TRIOBP: variants seen among roughly 807,000 people sequenced by gnomAD.
TRIOBP encodes the protein TRIO and F-actin-binding protein.
A neutral mutation model predicts 238.8 loss-of-function variants in TRIOBP; 169 were observed. The observed-to-expected ratio is 0.71, with a 90% CI of 0.62 to 0.80. TRIOBP has a LOEUF of 0.80. TRIOBP is among the 30% of genes least tolerant of loss of function. TRIOBP has a pLI of 0.00. For synonymous variants in TRIOBP, 1,150 were observed against 1,274.4 expected (o/e 0.90, Z 2.08); for missense variants, 2,838 against 3,122.6 (o/e 0.91, Z 2.17).
In TRIOBP at chr22:37,723,167, CCT is replaced by C. The variant is rs780640035; in HGVS notation, c.629-13_629-12del. The C allele has an allele frequency of 2.2e-5, 36 of 1,613,340 alleles. No individual in the cohort carries two copies. In the Middle Eastern group the frequency reaches 4.9e-4, roughly 22 times the overall value. Reference sequence around the variant, plus strand: ...TGGACCTCTCCCCTTACCTTGAGCCCCTCTCTTCTCTCTCCAGACACCGGCGG... The same window carrying C: ...TGGACCTCTCCCCTTACCTTGAGCCCCTCTTCTCTCTCCAGACACCGGCGG... On this transcript the variant is annotated splice_polypyrimidine_tract_variant and intron_variant, in intron 6 of 23. Transcript: ENST00000644935.
chr22:37,742,087 A>G (rs1332459944), intron 11 of TRIOBP, among the ~76,000 whole-genome samples: 3 of 151,370 alleles, frequency 2.0e-5, no homozygotes, highest in African/African-American at 7.3e-5. Context: ...CCTCCAGAGT[A>G]GCTGGAATTA....
chr22:37,703,743 T>G (rs924429689), intron 3 of TRIOBP, among the ~76,000 whole-genome samples: 15 of 150,960 alleles, frequency 9.9e-5, no homozygotes, highest in African/African-American at 1.7e-4. Flanking sequence ...CTGACCTCGT[T>G]ATTCGCCCAC....
intron 11 of TRIOBP, among the ~76,000 whole-genome samples, chr22:37,747,957 A>ACAG: frequency 6.6e-6 from 1 of 152,132 alleles, no homozygotes. Flanking sequence ...TGGAAGATGG[A>ACAG]CAGCACATCC....
In TRIOBP at chr22:37,725,719, G is replaced by A. The variant is rs775695156; in HGVS notation, c.3163G>A (p.Glu1055Lys). ...RAPESEPPHH[E>K]PPYIPPAVCI... The stretch of plus-strand genomic sequence containing the variant: ...CCCTGAGAGTGAACCGCCCCACCAC[G>A]AGCCTCCCTATATACCACCTGCTGT... Residue 1055 changes from glutamate to lysine, a missense_variant, in exon 7 of 24, where the codon GAG (glutamate) becomes AAG (lysine). Glu to Lys is a moderately conservative substitution (Grantham distance 56). Transcript: ENST00000644935. 2.2e-5 allele frequency: 35 copies of A among 1,603,572 alleles called. No individual in the cohort carries two copies. Among genetic ancestry groups the A allele is most frequent in the East Asian group, 2.2e-5 (1 of 44,560 alleles).
rs1924180476 is a variant in TRIOBP at position 37,726,579 on chromosome 22, C to T, written c.3947+76C>T. 1.2e-5 allele frequency: 16 copies of T among 1,359,426 alleles called. 1 individual carries two copies. In the South Asian group the frequency reaches 2.5e-4, roughly 21 times the overall value. 84.2% of individuals were successfully genotyped at this position (1,359,426 alleles called of 1,614,324 possible). ...GCAGGACAGGTGAAGGGTTAGGGTGCCAAAAGAAAGTGTTCAAATCCCCCT... is the reference window on the plus strand; with the variant it reads ...GCAGGACAGGTGAAGGGTTAGGGTGTCAAAAGAAAGTGTTCAAATCCCCCT... On this transcript the variant is annotated intron_variant, in intron 7 of 23. Transcript: ENST00000644935.
intron 6 of TRIOBP, among the ~76,000 whole-genome samples, chr22:37,719,202 C>CAAAT (rs57821341): frequency 0.036 from 5,235 of 145,840 alleles, 107 homozygotes; most frequent in Non-Finnish European, 0.041. Flanking sequence ...GACTCCATCT[C>CAAAT]AAATAAATAA....
chr22:37,755,457 TG>T, intron 14 of TRIOBP, 92 bp from the exon 15 acceptor site: 1 of 1,196,156 alleles, frequency 8.4e-7, no homozygotes, highest in Non-Finnish European at 1.2e-6. Context: ...AGATGCATCC[TG>T]GGAAGGAAGG....
At chr22:37,703,746 T>C (rs934477119) in intron 3 of TRIOBP, among the ~76,000 whole-genome samples, 15 of 150,750 alleles carry the variant, frequency 1.0e-4, no homozygotes, top group African/African-American at 1.7e-4. Flanking sequence ...ACCTCGTTAT[T>C]CGCCCACCTC....
At chr22:37,700,172 C>T (rs970420318) in intron 2 of TRIOBP, among the ~76,000 whole-genome samples, 2 of 152,030 alleles carry the variant, frequency 1.3e-5, no homozygotes, top group East Asian at 1.9e-4. Context: ...CCACCGCCCT[C>T]GGCTGGAATC....
At chr22:37,744,749 T>C (rs1925132597) in intron 11 of TRIOBP, among the ~76,000 whole-genome samples, 1 of 152,176 alleles carries the variant, frequency 6.6e-6, no homozygotes, top group African/African-American at 2.4e-5. Flanking sequence ...TAGATGGACT[T>C]AACCTTGGCC....
chr22:37,734,576 G>C lies in TRIOBP; in HGVS notation c.4240G>C (p.Glu1414Gln). The change falls in exon 9 of 24, where the codon GAG becomes CAG. Residue 1414 changes from glutamate (E) to glutamine (Q), a missense_variant. By Grantham distance (29) the Glu-to-Gln change is conservative. This residue lies in a region of TRIOBP where 2,096 missense variants were observed against 2,137.4 expected (regional missense o/e 0.98). Transcript: ENST00000644935. ...ERELRTQRPL[E>Q]SGQAGPRQPL... ...GGAGCTGCGGACACAGAGACCTCTGGAGAGTGGCCAAGCAGGCCCAAGACA... is the reference window on the plus strand; with the variant it reads ...GGAGCTGCGGACACAGAGACCTCTGCAGAGTGGCCAAGCAGGCCCAAGACA... The C allele has an allele frequency of 1.3e-6, 2 of 1,584,348 alleles. No individual in the cohort carries two copies. Among genetic ancestry groups the C allele is most frequent in the Non-Finnish European group, 1.7e-6 (2 of 1,165,530 alleles).
Position 37,755,142 on chromosome 22 carries a change from G to T in TRIOBP, c.5529G>T (p.Thr1843=), listed in dbSNP as rs531565607. The T allele has an allele frequency of 6.2e-7, 1 of 1,613,788 alleles. No individual in the cohort carries two copies. The highest frequency in any genetic ancestry group is 8.5e-7 in the Non-Finnish European group (1 of 1,179,872). The change falls in exon 14 of 24, where the codon ACG becomes ACT. Residue 1843 remains threonine, a synonymous_variant. Coordinates refer to ENST00000644935, the MANE Select transcript of TRIOBP (RefSeq NM_001039141.3). The stretch of plus-strand genomic sequence containing the variant: ...GTGAGATCGACCTGCGTTCCTGCAC[G>T]GATGTCACTGAGTACGCGGTGCAGC... The part of the protein sequence containing the change: ...LDGEIDLRSC[T]DVTEYAVQRN...
intron 12 of TRIOBP, 47 bp from the exon 13 acceptor site, chr22:37,754,830 C>G (rs766378037): frequency 4.4e-6 from 7 of 1,593,178 alleles, no homozygotes; most frequent in Non-Finnish European, 6.0e-6. Flanking sequence ...ACACAGGACA[C>G]CTGTACAATC....
intron 17 of TRIOBP, among the ~76,000 whole-genome samples, chr22:37,763,173 C>T (rs550170381): frequency 3.9e-4 from 60 of 152,300 alleles, no homozygotes; most frequent in African/African-American, 1.3e-3. Flanking sequence ...TTGCTGGGCT[C>T]CCCACTGGTG....
At chr22:37,772,831 C>T (rs1397007052) in intron 23 of TRIOBP, 67 bp downstream of exon 23, 12 of 1,575,096 alleles carry the variant, frequency 7.6e-6, no homozygotes, top group Non-Finnish European at 1.0e-5. Context: ...CCGGGACTCC[C>T]TGGACCACCC....
chr22:37,704,775 C>T (rs1220470137), intron 3 of TRIOBP, among the ~76,000 whole-genome samples: 5 of 151,730 alleles, frequency 3.3e-5, no homozygotes, highest in African/African-American at 4.8e-5. Context: ...CAGCCTGGCA[C>T]GGCAGCTCAC....
At chr22:37,721,180 A>G (rs1923809770) in intron 6 of TRIOBP, among the ~76,000 whole-genome samples, 1 of 151,290 alleles carries the variant, frequency 6.6e-6, no homozygotes, top group Non-Finnish European at 1.5e-5. Context: ...CATCCAGCTA[A>G]TTTTTGTATT....
chr22:37,764,065 C>G (rs1335514087), intron 17 of TRIOBP, among the ~76,000 whole-genome samples: 1 of 152,216 alleles, frequency 6.6e-6, no homozygotes. Flanking sequence ...TCGCTTCTGC[C>G]CCCTTCGTCC....
chr22:37,755,144 A>G lies in TRIOBP; in HGVS notation c.5531A>G (p.Asp1844Gly), dbSNP rs1569056349. Residue 1844 changes from aspartate (D) to glycine (G), a missense_variant, in exon 14 of 24, where the codon GAT becomes GGT. Transcript: ENST00000644935. ...DGEIDLRSCT[D>G]VTEYAVQRNY... ...GAGATCGACCTGCGTTCCTGCACGG[A>G]TGTCACTGAGTACGCGGTGCAGCGC... 1 of 1,613,808 alleles carries G rather than the reference A, an allele frequency of 6.2e-7. No homozygotes were observed. Among genetic ancestry groups the G allele is most frequent in the East Asian group, 2.2e-5 (1 of 44,852 alleles).
Sources: gnomAD v4.1 joint callset for allele counts (sites outside exome capture counted in the v4.1 genomes callset) on GRCh38, gnomAD v4.1.1 for gene constraint, gnomAD v4.1.1 regional missense constraint, MANE v1.5 for transcripts, NCBI Gene and HGNC (gene_info 2026-07-23, HGNC 2026-07-21) for gene names.